Variants in BLOC1S6 observed in about 807,000 individuals in gnomAD.
BLOC1S6 encodes the protein biogenesis of lysosome-related organelles complex 1 subunit 6.
Under a neutral mutation model 24.7 loss-of-function variants are expected in BLOC1S6, and 24 were observed. That is an observed-to-expected ratio of 0.97 (90% confidence interval 0.70 to 1.37). The LOEUF is 1.37. Ranked by LOEUF, BLOC1S6 falls within the 40% of genes most tolerant of loss-of-function variation. The pLI, the probability that BLOC1S6 is intolerant of heterozygous loss-of-function variation, is 0.00. For missense variants in BLOC1S6, 175 were observed against 196.2 expected (o/e 0.89, Z 0.64); for synonymous variants, 76 against 72.6 (o/e 1.05, Z -0.23).
intron 1 of BLOC1S6, among the ~76,000 whole-genome samples, chr15:45,590,091 C>T (rs1313070563): frequency 6.6e-6 from 1 of 152,030 alleles, no homozygotes; most frequent in African/African-American, 2.4e-5. Context: ...TTAATCAAGC[C>T]TTAAGCAACG....
In BLOC1S6 at chr15:45,608,007, GTAT is replaced by G. The variant is rs1894538159; in HGVS notation, c.*1498_*1500del. On this transcript the variant is annotated 3_prime_UTR_variant, in exon 5 of 5. Coordinates refer to ENST00000220531, the MANE Select transcript of BLOC1S6 (RefSeq NM_012388.4). ...AGAGTGTATTGTTTACTGTTTTACA[GTAT>G]TATTTAATATCCAACTGGTCTCCAA... is the stretch of plus-strand genomic sequence containing the variant. 1 of 152,576 alleles carries G rather than the reference GTAT, an allele frequency of 6.6e-6. No homozygotes were observed. Among genetic ancestry groups the G allele is most frequent in the South Asian group, 2.1e-4 (1 of 4,826 alleles). 9.5% of individuals were successfully genotyped at this position (152,576 alleles called of 1,614,324 possible). A position where few individuals can be genotyped will look rare whatever the true frequency, so the allele number is the denominator to read the frequency against.
In BLOC1S6 at chr15:45,608,786, T is replaced by TTTA. The variant is rs1308731809; in HGVS notation, c.*2272_*2273insTTA. 1.3e-5 allele frequency: 2 copies of TTTA among 152,250 alleles called. No homozygotes were observed. Among genetic ancestry groups the TTTA allele is most frequent in the Non-Finnish European group, 2.9e-5 (2 of 68,048 alleles). 9.4% of individuals were successfully genotyped at this position (152,250 alleles called of 1,614,324 possible). On this transcript the variant is annotated 3_prime_UTR_variant, in exon 5 of 5. Transcript: ENST00000220531. ...TCACGAGTCACTAGTATAGACTATC[T>TTTA]ATCTAGTGAGTTGTATTATAAGCGA...
intron 2 of BLOC1S6, among the ~76,000 whole-genome samples, chr15:45,597,601 T>C (rs1449606205): frequency 6.6e-6 from 1 of 152,236 alleles, no homozygotes; most frequent in Non-Finnish European, 1.5e-5. Context: ...TATTTTGTTA[T>C]ATTTGTACCA....
chr15:45,605,573 G>GTTTTTTTTTTTTTTTTGTTTT, intron 4 of BLOC1S6, 59 bp downstream of exon 4: 2 of 824,824 alleles, frequency 2.4e-6, no homozygotes, highest in Non-Finnish European at 1.8e-6. Flanking sequence ...GTTTTTTGTT[G>GTTTTTTTTTTTTTTTTGTTTT]TTTTTTTTTT....
upstream of BLOC1S6, chr15:45,587,255 G>A (rs1202543930): frequency 1.6e-6 from 1 of 643,168 alleles, no homozygotes; most frequent in Non-Finnish European, 2.8e-6. Context: ...TATCAGCGCG[G>A]GGTCCCCACA....
chr15:45,600,717 TGAG>T (rs906997871), intron 2 of BLOC1S6, among the ~76,000 whole-genome samples: 13 of 152,292 alleles, frequency 8.5e-5, no homozygotes, highest in East Asian at 3.9e-4. Context: ...AATATTTTGT[TGAG>T]GAGTTTTATA....
intron 1 of BLOC1S6, 187 bp downstream of exon 1, chr15:45,587,712 G>A (rs1893733672): frequency 1.4e-6 from 1 of 716,642 alleles, no homozygotes; most frequent in East Asian, 2.7e-5. Context: ...GGGCGGAACT[G>A]AAGTCCCGAG....
intron 2 of BLOC1S6, among the ~76,000 whole-genome samples, chr15:45,602,686 C>T (rs1047324774): frequency 1.3e-5 from 2 of 152,222 alleles, no homozygotes; most frequent in South Asian, 2.1e-4. Flanking sequence ...CTTGATACTT[C>T]ATCTTCCTCA....
chr15:45,595,722 A>T (rs1401860442), intron 2 of BLOC1S6, among the ~76,000 whole-genome samples: 2 of 152,186 alleles, frequency 1.3e-5, no homozygotes, highest in African/African-American at 4.8e-5. Flanking sequence ...CACCAAACCA[A>T]GGTCACCTAG....
upstream of BLOC1S6, chr15:45,587,313 GT>G (rs890479317): frequency 4.5e-5 from 41 of 902,926 alleles, no homozygotes; most frequent in African/African-American, 5.9e-4. Flanking sequence ...GAAGCCCGCA[GT>G]TTTTTCGCCC....
intron 2 of BLOC1S6, among the ~76,000 whole-genome samples, chr15:45,595,421 A>G (rs1894036932): frequency 6.6e-6 from 1 of 152,174 alleles, no homozygotes; most frequent in Admixed American, 6.5e-5. Flanking sequence ...AGATCAGACA[A>G]ATTCTTTGTT....
In BLOC1S6 at chr15:45,592,234, T is replaced by G. The variant is rs1048656816; in HGVS notation, c.182T>G (p.Leu61Trp). Reference sequence around the variant, plus strand: ...GCAGAAGGATTGCTTTCTCATTATTTGCCAGATCTGCAGAGATCAAAACAA... The same window carrying G: ...GCAGAAGGATTGCTTTCTCATTATTGGCCAGATCTGCAGAGATCAAAACAA... The part of the protein sequence containing the change: ...QLAEGLLSHY[L>W]PDLQRSKQAL... Residue 61 changes from leucine to tryptophan, a missense_variant, in exon 2 of 5, where the codon TTG becomes TGG. Transcript: ENST00000220531. The G allele has an allele frequency of 8.7e-6, 14 of 1,614,152 alleles. No individual in the cohort carries two copies. Among genetic ancestry groups the G allele is most frequent in the East Asian group, 4.5e-5 (2 of 44,882 alleles).
upstream of BLOC1S6, chr15:45,587,337 G>C: frequency 9.0e-7 from 1 of 1,108,514 alleles, no homozygotes; most frequent in Non-Finnish European, 1.3e-6. Context: ...GTCACTTCCG[G>C]GTGCGACAAT....
intron 3 of BLOC1S6, 50 bp downstream of exon 3, chr15:45,603,237 A>G: frequency 8.3e-7 from 1 of 1,206,044 alleles, no homozygotes; most frequent in Non-Finnish European, 1.2e-6. Flanking sequence ...TCTTAGCAAT[A>G]GCTAAGACTT....
chr15:45,595,392 T>G (rs1894036060), intron 2 of BLOC1S6, among the ~76,000 whole-genome samples: 1 of 152,212 alleles, frequency 6.6e-6, no homozygotes, highest in South Asian at 2.1e-4. Context: ...AGAAGCTCTG[T>G]GCCAGAAACC....
chr15:45,607,502 CGGT>C lies in BLOC1S6; in HGVS notation c.*991_*993del, dbSNP rs1894517068. ...AAAATTCTTGAAGTGAGGCCGGGTGCGGTGGCTCATGCCTGTAATCCCAACGCT... is the reference window on the plus strand; with the variant it reads ...AAAATTCTTGAAGTGAGGCCGGGTGCGGCTCATGCCTGTAATCCCAACGCT... On this transcript the variant is annotated 3_prime_UTR_variant, in exon 5 of 5. Coordinates refer to ENST00000220531, the MANE Select transcript of BLOC1S6 (RefSeq NM_012388.4). The C allele has an allele frequency of 6.6e-6, 1 of 152,160 alleles. No individual in the cohort carries two copies. Among genetic ancestry groups the C allele is most frequent in the Non-Finnish European group, 1.5e-5 (1 of 68,072 alleles). 9.4% of individuals were successfully genotyped at this position (152,160 alleles called of 1,614,324 possible).
chr15:45,593,013 G>C (rs1223255423), intron 2 of BLOC1S6, among the ~76,000 whole-genome samples: 1 of 152,098 alleles, frequency 6.6e-6, no homozygotes, highest in Admixed American at 6.5e-5. Flanking sequence ...CTTTATTAGG[G>C]CAAAAGGAGA....
intron 2 of BLOC1S6, chr15:45,597,746 A>G (rs1011539423): frequency 3.2e-5 from 6 of 189,118 alleles, no homozygotes; most frequent in Middle Eastern, 1.0e-3. Context: ...ATACTTGCCT[A>G]TTAGTTTCAG....
At chr15:45,602,676 C>T (rs1275110729) in intron 2 of BLOC1S6, among the ~76,000 whole-genome samples, 7 of 152,172 alleles carry the variant, frequency 4.6e-5, no homozygotes, top group African/African-American at 4.8e-5. Context: ...CTTACTATCC[C>T]TTGATACTTC....
Sources: allele counts gnomAD v4.1 joint callset (sites outside exome capture counted in the v4.1 genomes callset), GRCh38; gene constraint gnomAD v4.1.1; transcripts MANE v1.5; gene names NCBI Gene and HGNC (gene_info 2026-07-23, HGNC 2026-07-21).